The following STX12 variants were observed in gnomAD, a reference collection of about 807,000 sequenced individuals.
STX12 encodes syntaxin-12.
In STX12, 17 loss-of-function variants were observed where a neutral mutation model predicts 42.2. The ratio of observed to expected loss-of-function variants is 0.40; its 90% CI spans 0.28 to 0.60. The LOEUF (loss-of-function observed/expected upper bound fraction) is 0.60, where lower values mean the gene tolerates loss of function less well. Ranked by LOEUF, STX12 falls within the 20% of genes least tolerant of loss-of-function variation. The probability of loss-of-function intolerance (pLI) is 0.39; values close to 1 mark genes in which losing one functional copy is unlikely to be tolerated. For missense variants in STX12, 297 were observed against 330.9 expected (o/e 0.90, Z 0.79); for synonymous variants, 108 against 116.7 (o/e 0.93, Z 0.48).
rs184354243 is a variant in STX12, at chr1:27,797,319, A to G, written c.288+3687A>G. The stretch of plus-strand genomic sequence containing the variant: ...TGATCCGCCTGCCTCGGCCTTCCAA[A>G]GTTCTGGGATTGCAGGTGTGAGCTA... On this transcript the variant is annotated intron_variant, in intron 3 of 8. Coordinates refer to ENST00000373943, the MANE Select transcript of STX12 (RefSeq NM_177424.3). Among the ~76,000 whole-genome samples, 219 of 152,240 alleles carry G rather than the reference A, an allele frequency of 1.4e-3. 1 individual carries two copies. The highest frequency in any genetic ancestry group is 6.0e-4 in the Non-Finnish European group (41 of 68,016).
rs182621432 is a variant in STX12 at position 27,821,516 on chromosome 1, C to T, written c.733-715C>T. On this transcript the variant is annotated intron_variant, in intron 8 of 8. Transcript: ENST00000373943. ...TCAGAAAGAAATACAAAAATGTTGA[C>T]GGTATTATCTATGGGTGATTTTTTT... Among the ~76,000 whole-genome samples the T allele has an allele frequency of 3.3e-3, 503 of 150,502 alleles. 4 individuals are homozygous for T. The highest frequency in any genetic ancestry group is 0.012 in the African/African-American group (474 of 41,124).
At chr1:27,786,856 C>A (rs1378585263) in intron 1 of STX12, among the ~76,000 whole-genome samples, 1 of 152,126 alleles carries the variant, frequency 6.6e-6, no homozygotes, top group African/African-American at 2.4e-5. Flanking sequence ...TTATGGCTGT[C>A]CAGTTAATAG....
intron 3 of STX12, among the ~76,000 whole-genome samples, chr1:27,798,890 G>T (rs2088806684): frequency 6.7e-6 from 1 of 150,258 alleles, no homozygotes; most frequent in South Asian, 2.1e-4. Flanking sequence ...GGAGGTTGGG[G>T]CTGCAGTGAG....
rs1274722908 is a variant in STX12 at position 27,823,057 on chromosome 1, C to T, written c.*728C>T. 1 of 152,222 alleles carries T rather than the reference C, an allele frequency of 6.6e-6. No individual in the cohort carries two copies. The highest frequency in any genetic ancestry group is 2.1e-4 in the South Asian group (1 of 4,832). 9.4% of individuals were successfully genotyped at this position (152,222 alleles called of 1,614,324 possible). A position where few individuals can be genotyped will look rare whatever the true frequency, so the allele number is the denominator to read the frequency against. Reference sequence around the variant, plus strand: ...AGTTAATTTAATTAACATTAATATACTCTATGGGCTCCCTCTCCCACCTGT... The same window carrying T: ...AGTTAATTTAATTAACATTAATATATTCTATGGGCTCCCTCTCCCACCTGT... On this transcript the variant is annotated 3_prime_UTR_variant, in exon 9 of 9. Transcript: ENST00000373943.
intron 3 of STX12, among the ~76,000 whole-genome samples, chr1:27,800,433 CAG>C (rs1439338032): frequency 6.6e-6 from 1 of 151,188 alleles, no homozygotes; most frequent in Non-Finnish European, 1.5e-5. Context: ...TGTTTGAGGT[CAG>C]GGGTGAGTTT....
At chr1:27,801,027 G>C (rs1295304120) in intron 3 of STX12, among the ~76,000 whole-genome samples, 1 of 152,214 alleles carries the variant, frequency 6.6e-6, no homozygotes, top group Non-Finnish European at 1.5e-5. Context: ...TTCAACTGGA[G>C]TCCAGAGGTA....
intron 4 of STX12, among the ~76,000 whole-genome samples, chr1:27,808,703 A>G (rs1269734042): frequency 1.3e-5 from 2 of 152,130 alleles, no homozygotes; most frequent in East Asian, 3.8e-4. Flanking sequence ...AATAATAATG[A>G]TATTTATTCT....
intron 4 of STX12, among the ~76,000 whole-genome samples, chr1:27,809,390 C>T (rs2088887818): frequency 6.6e-6 from 1 of 150,836 alleles, no homozygotes; most frequent in African/African-American, 2.4e-5. Flanking sequence ...ATGCCAAATC[C>T]CATCTCTCCA....
chr1:27,813,664 G>GC (rs1288793454), intron 6 of STX12, among the ~76,000 whole-genome samples: 1 of 151,994 alleles, frequency 6.6e-6, no homozygotes, highest in African/African-American at 2.4e-5. Context: ...TTTTTTTAAT[G>GC]CCCCAGCTCT....
chr1:27,795,405 A>G (rs2088779429), intron 3 of STX12, among the ~76,000 whole-genome samples: 2 of 152,012 alleles, frequency 1.3e-5, no homozygotes, highest in Admixed American at 1.3e-4. Flanking sequence ...TCCCAGGTTC[A>G]AGCGATTCTC....
Position 27,822,496 on chromosome 1 carries a change from CAG to C in STX12, c.*168_*169del. ...CTTTGGAATTCGTGACCTATGGAGA[CAG>C]TAATTATCAATTTATTGATTCTATT... is the stretch of plus-strand genomic sequence containing the variant. On this transcript the variant is annotated 3_prime_UTR_variant, in exon 9 of 9. Coordinates refer to ENST00000373943, the MANE Select transcript of STX12 (RefSeq NM_177424.3). The C allele has an allele frequency of 2.0e-6, 1 of 497,280 alleles. No individual in the cohort carries two copies. The highest frequency in any genetic ancestry group is 1.9e-5 in the African/African-American group (1 of 52,396). 30.8% of individuals were successfully genotyped at this position (497,280 alleles called of 1,614,324 possible).
chr1:27,819,936 C>G, intron 8 of STX12: 1 of 490,472 alleles, frequency 2.0e-6, no homozygotes, highest in South Asian at 2.3e-5. Context: ...ATAAACTTAT[C>G]AGAAGGCTAG....
In STX12 at chr1:27,812,234, T is replaced by C. The variant is rs765219635; in HGVS notation, c.542T>C (p.Ile181Thr). 1.3e-6 allele frequency: 2 copies of C among 1,559,976 alleles called. No individual in the cohort carries two copies. Among genetic ancestry groups the C allele is most frequent in the East Asian group, 2.4e-5 (1 of 41,778 alleles). Residue 181 changes from isoleucine to threonine, a missense_variant, in exon 6 of 9, where the codon ATT becomes ACT. Physicochemically the swap from Ile to Thr is moderately conservative, Grantham distance 89. Coordinates refer to ENST00000373943, the MANE Select transcript of STX12 (RefSeq NM_177424.3). ...VAITEQDLEL[I>T]KERETAIRQL... is the part of the protein sequence containing the mutation. ...ATCACTGAGCAGGATTTGGAACTTA[T>C]TAAAGAAAGAGAAACGGCAATTCGG...
At position 27,811,821 on chromosome 1, in the gene STX12, A is replaced by G. The variant is rs533752261; in HGVS notation, c.471-342A>G. Among the ~76,000 whole-genome samples the G allele has an allele frequency of 4.6e-5, 7 of 152,306 alleles. No homozygotes were observed. In the South Asian group the frequency reaches 1.4e-3, roughly 32 times the overall value. ...GAGTGCCCTGGAAGATGATGGTGCA[A>G]CATAATTCAATGAGTTCAAATCTCT... is the stretch of plus-strand genomic sequence containing the variant. On this transcript the variant is annotated intron_variant, in intron 5 of 8. Transcript: ENST00000373943.
chr1:27,789,962 G>A (rs1452122379), intron 2 of STX12, among the ~76,000 whole-genome samples: 1 of 151,986 alleles, frequency 6.6e-6, no homozygotes, highest in Admixed American at 6.6e-5. Flanking sequence ...TGTTGGCGTA[G>A]GACTCCTCAT....
At chr1:27,797,256 C>T (rs890700309) in intron 3 of STX12, among the ~76,000 whole-genome samples, 7 of 152,178 alleles carry the variant, frequency 4.6e-5, no homozygotes, top group African/African-American at 1.7e-4. Flanking sequence ...AGGGTTTTGC[C>T]ACGTTGGCCA....
Position 27,773,371 on chromosome 1 carries a change from T to A in STX12, c.64T>A (p.Phe22Ile). The A allele has an allele frequency of 6.2e-7, 1 of 1,613,816 alleles. No homozygotes were observed. Among genetic ancestry groups the A allele is most frequent in the East Asian group, 2.2e-5 (1 of 44,868 alleles). Residue 22 changes from phenylalanine to isoleucine, a missense_variant, in exon 1 of 9, where the codon TTC becomes ATC. By Grantham distance (21) the Phe-to-Ile change is conservative. Transcript: ENST00000373943. Reference protein sequence around the residue: ...PGPSGPQLRDFSSIIQTCSGN... With the variant: ...PGPSGPQLRDISSIIQTCSGN... Reference sequence around the variant, plus strand: ...GCCCTCGGGGCCCCAGCTCCGGGACTTCAGCAGCATCATCCAGACGTGCAG... The same window carrying A: ...GCCCTCGGGGCCCCAGCTCCGGGACATCAGCAGCATCATCCAGACGTGCAG...
rs189614393 is a variant in STX12 at position 27,809,105 on chromosome 1, G to C, written c.427-1141G>C. Among the ~76,000 whole-genome samples the C allele has an allele frequency of 6.5e-3, 997 of 152,290 alleles. 10 individuals are homozygous for C. The highest frequency in any genetic ancestry group is 0.022 in the African/African-American group (900 of 41,566). On this transcript the variant is annotated intron_variant, in intron 4 of 8. Coordinates refer to ENST00000373943, the MANE Select transcript of STX12 (RefSeq NM_177424.3). ...AATCCCAACACTTTGGGAGGCCGAGGCAGGCGGATCACGAGGTCAGGAGTT... is the reference window on the plus strand; with the variant it reads ...AATCCCAACACTTTGGGAGGCCGAGCCAGGCGGATCACGAGGTCAGGAGTT...
At chr1:27,817,811 T>C (rs373160498) in intron 6 of STX12, 40 bp from the exon 7 acceptor site, 1 of 1,581,170 alleles carries the variant, frequency 6.3e-7, no homozygotes, top group African/African-American at 1.3e-5. Context: ...TCTTCTAACA[T>C]GTTGCTTAAT....
Sources: allele counts gnomAD v4.1 joint callset (sites outside exome capture counted in the v4.1 genomes callset), GRCh38; gene constraint gnomAD v4.1.1; transcripts MANE v1.5; gene names NCBI Gene and HGNC (gene_info 2026-07-23, HGNC 2026-07-21).